The following PDZRN3 variants were observed in gnomAD, a reference collection of about 807,000 sequenced individuals.
PDZRN3 encodes the protein E3 ubiquitin-protein ligase PDZRN3.
PDZRN3 carries 38 observed loss-of-function variants against 85.7 expected under a neutral mutation model. That is an observed-to-expected ratio of 0.44 (90% CI 0.34 to 0.58). PDZRN3 has a LOEUF of 0.58. Ranked by LOEUF, PDZRN3 falls within the 20% of genes least tolerant of loss-of-function variation. The probability of loss-of-function intolerance (pLI) is 0.01; values close to 1 mark genes in which losing one functional copy is unlikely to be tolerated. For synonymous variants in PDZRN3, 759 were observed against 638.0 expected (o/e 1.19, Z -2.86); for missense variants, 1,629 against 1,506.4 (o/e 1.08, Z -1.35).
At chr3:73,534,543 T>C (rs1292408162) in intron 3 of PDZRN3, among the ~76,000 whole-genome samples, 2 of 152,176 alleles carry the variant, frequency 1.3e-5, no homozygotes, top group Non-Finnish European at 2.9e-5. Context: ...TGGAATGAAA[T>C]GCTTGTAGAA....
intron 5 of PDZRN3, among the ~76,000 whole-genome samples, chr3:73,396,490 T>G (rs879383151): frequency 2.6e-5 from 4 of 152,204 alleles, no homozygotes; most frequent in East Asian, 1.9e-4. Context: ...TTCCTTGTCC[T>G]GTGCCTCAAA....
intron 3 of PDZRN3, among the ~76,000 whole-genome samples, chr3:73,558,222 G>A (rs200333203): frequency 1.4e-4 from 21 of 145,038 alleles, no homozygotes; most frequent in Non-Finnish European, 1.1e-4. Context: ...TTGGGTATGT[G>A]AAAAAAAAAA....
intron 9 of PDZRN3, 76 bp downstream of exon 9, chr3:73,385,593 T>C: frequency 1.1e-6 from 1 of 871,188 alleles, no homozygotes; most frequent in East Asian, 2.4e-5. Flanking sequence ...TTTAGCACCA[T>C]AAAGGGAGAT....
At chr3:73,610,753 G>C (rs770987697) in intron 1 of PDZRN3, among the ~76,000 whole-genome samples, 1 of 152,066 alleles carries the variant, frequency 6.6e-6, no homozygotes, top group Non-Finnish European at 1.5e-5. Flanking sequence ...AAAGAATAAT[G>C]CACAATCATA....
chr3:73,578,518 T>C (rs1273087436), intron 3 of PDZRN3, among the ~76,000 whole-genome samples: 3 of 152,006 alleles, frequency 2.0e-5, no homozygotes, highest in Admixed American at 1.3e-4. Flanking sequence ...TCCCGTTACA[T>C]AGGGGAAAAG....
intron 3 of PDZRN3, among the ~76,000 whole-genome samples, chr3:73,491,222 C>T (rs1372684633): frequency 2.0e-5 from 3 of 152,218 alleles, no homozygotes; most frequent in South Asian, 2.1e-4. Flanking sequence ...AGAATTCTTG[C>T]AGCCCATGTC....
At chr3:73,396,647 C>T (rs1701643515) in intron 5 of PDZRN3, among the ~76,000 whole-genome samples, 1 of 152,192 alleles carries the variant, frequency 6.6e-6, no homozygotes, top group Non-Finnish European at 1.5e-5. Flanking sequence ...GTTTTCCTTT[C>T]CTTTCTGGTC....
intron 3 of PDZRN3, among the ~76,000 whole-genome samples, chr3:73,579,108 G>A (rs1325430863): frequency 6.6e-6 from 1 of 152,088 alleles, no homozygotes; most frequent in Non-Finnish European, 1.5e-5. Context: ...TTGGGGAGGT[G>A]GTTAAGTCTT....
intron 3 of PDZRN3, among the ~76,000 whole-genome samples, chr3:73,533,935 C>CA (rs1248119349): frequency 2.6e-5 from 4 of 152,016 alleles, no homozygotes; most frequent in Admixed American, 6.6e-5. Flanking sequence ...TCCCTACCCC[C>CA]ACTCTCCTTT....
At chr3:73,507,891 C>T (rs1010417086) in intron 3 of PDZRN3, among the ~76,000 whole-genome samples, 14 of 152,148 alleles carry the variant, frequency 9.2e-5, no homozygotes, top group Admixed American at 3.9e-4. Context: ...CCAGGAGTTC[C>T]AGACCAGCCT....
chr3:73,408,175 G>C (rs1317288332), intron 3 of PDZRN3: 3 of 703,222 alleles, frequency 4.3e-6, no homozygotes, highest in Non-Finnish European at 7.8e-6. Flanking sequence ...AGTGTGCAGG[G>C]ACAGCAATTG....
At chr3:73,556,837 G>A (rs1318688587) in intron 3 of PDZRN3, 2 of 152,252 alleles carry the variant, frequency 1.3e-5, no homozygotes, top group Non-Finnish European at 2.9e-5. Flanking sequence ...GCTGGAGGCT[G>A]AGATTCAAGT....
At chr3:73,480,818 C>A (rs151022141) in intron 3 of PDZRN3, among the ~76,000 whole-genome samples, 1 of 152,168 alleles carries the variant, frequency 6.6e-6, no homozygotes, top group Non-Finnish European at 1.5e-5. Flanking sequence ...CAACCTAGTA[C>A]GCATACTTTG....
At chr3:73,569,097 G>T in intron 3 of PDZRN3, 1 of 1,129,094 alleles carries the variant, frequency 8.9e-7, no homozygotes. Flanking sequence ...GCTGAACTTT[G>T]AACCCAGCTC....
At chr3:73,543,157 T>G (rs1010878692) in intron 3 of PDZRN3, among the ~76,000 whole-genome samples, 8 of 152,230 alleles carry the variant, frequency 5.3e-5, no homozygotes, top group African/African-American at 1.9e-4. Context: ...AGGAGTGGCA[T>G]GCCAAGACAA....
intron 3 of PDZRN3, among the ~76,000 whole-genome samples, chr3:73,591,744 G>A (rs971198913): frequency 2.6e-5 from 4 of 152,180 alleles, no homozygotes; most frequent in Non-Finnish European, 5.9e-5. Context: ...AATGCTCAGA[G>A]ATAAGAAGTT....
intron 3 of PDZRN3, chr3:73,561,515 G>C (rs968222988): frequency 1.2e-4 from 19 of 152,338 alleles, no homozygotes; most frequent in Admixed American, 1.1e-3. Flanking sequence ...TTCAGTAAGA[G>C]AGACATCTCA....
chr3:73,556,671 T>A (rs1701702254), intron 3 of PDZRN3: 1 of 152,190 alleles, frequency 6.6e-6, no homozygotes, highest in African/African-American at 2.4e-5. Context: ...TGCATGGAGA[T>A]GATTTCATGC....
intron 3 of PDZRN3, among the ~76,000 whole-genome samples, chr3:73,542,007 TAA>T (rs948630905): frequency 6.6e-6 from 1 of 152,078 alleles, no homozygotes; most frequent in Non-Finnish European, 1.5e-5. Flanking sequence ...GAGCTACTGA[TAA>T]AAGAGATGCC....
Sources: gnomAD v4.1 joint callset for allele counts (sites outside exome capture counted in the v4.1 genomes callset) on GRCh38, gnomAD v4.1.1 for gene constraint, MANE v1.5 for transcripts, NCBI Gene and HGNC (gene_info 2026-07-23, HGNC 2026-07-21) for gene names.